Variants in DNMT3A observed in about 807,000 individuals in gnomAD.
DNMT3A encodes the protein DNA (cytosine-5)-methyltransferase 3A.
A neutral mutation model predicts 117.6 loss-of-function variants in DNMT3A; 267 were observed. The ratio of observed to expected loss-of-function variants is 2.27; its 90% confidence interval spans 2.05 to 2.51. The LOEUF is 2.51. Among genes scored for constraint, DNMT3A ranks in the 30% most tolerant of loss-of-function variants. The pLI, the probability that DNMT3A is intolerant of heterozygous loss-of-function variation, is 0.00. For missense variants in DNMT3A, 1,029 were observed against 1,260.2 expected (o/e 0.82, Z 2.78); for synonymous variants, 432 against 474.8 (o/e 0.91, Z 1.17).
chr2:25,323,725 G>C (rs1179703093), intron 1 of DNMT3A, among the ~76,000 whole-genome samples: 3 of 152,140 alleles, frequency 2.0e-5, no homozygotes, highest in African/African-American at 7.2e-5. Context: ...TCCTCTAAGT[G>C]GCCTTCGCTC....
chr2:25,333,675 G>A (rs2035099083), intron 1 of DNMT3A, among the ~76,000 whole-genome samples: 1 of 152,292 alleles, frequency 6.6e-6, no homozygotes, highest in East Asian at 1.9e-4. Flanking sequence ...AGAGCAGCAG[G>A]GCTTTGTGGG....
chr2:25,297,239 G>A lies in DNMT3A; in HGVS notation c.177+2900C>T, dbSNP rs1011464126. Among the ~76,000 whole-genome samples the A allele has an allele frequency of 1.3e-5, 2 of 152,174 alleles. 1 individual carries two copies. The highest frequency in any genetic ancestry group is 3.9e-4 in the East Asian group (2 of 5,184). On this transcript the variant is annotated intron_variant, in intron 3 of 22. Transcript: ENST00000321117. ...CGGTTCCTCCAATGTGCAAGGAGTT[G>A]CTTTCCCAACAGCTGACTTCCCAAT...
Position 25,234,355 on chromosome 2 carries a change from AGTCTCTGCCTCGCCAAGCG to A in DNMT3A, c.2644_2662del (p.Arg882CysfsTer18). 1 of 1,614,158 alleles carries A rather than the reference AGTCTCTGCCTCGCCAAGCG, an allele frequency of 6.2e-7. No homozygotes were observed. The highest frequency in any genetic ancestry group is 8.5e-7 in the Non-Finnish European group (1 of 1,180,014). ...TGGCACGCTCCATGACCGGCCCAGC[AGTCTCTGCCTCGCCAAGCG>A]GCTCATGTTGGAGACGTCAGTATAG... is the stretch of plus-strand genomic sequence containing the variant. On this transcript the variant is annotated frameshift_variant, in exon 23 of 23. Coordinates refer to ENST00000321117, the MANE Select transcript of DNMT3A (RefSeq NM_022552.5). LOFTEE classifies it high-confidence loss of function. The surrounding 1 kb of genome is among the most constrained non-coding windows in gnomAD (Gnocchi z 4.5).
chr2:25,301,538 C>T (rs900404761), intron 2 of DNMT3A, among the ~76,000 whole-genome samples: 2 of 152,144 alleles, frequency 1.3e-5, no homozygotes, highest in Non-Finnish European at 2.9e-5. Flanking sequence ...CACCTGTGCA[C>T]GGCTGGGCCC....
At chr2:25,340,884 C>T (rs1166964507) in intron 1 of DNMT3A, among the ~76,000 whole-genome samples, 2 of 141,772 alleles carry the variant, frequency 1.4e-5, no homozygotes, top group Non-Finnish European at 1.6e-5. Flanking sequence ...CCGGGATCCT[C>T]GCCCGCCCCC....
intron 2 of DNMT3A, among the ~76,000 whole-genome samples, chr2:25,310,160 A>C (rs116706995): frequency 0.015 from 2,210 of 152,284 alleles, 45 homozygotes; most frequent in African/African-American, 0.049. Context: ...GAAAGGGGAC[A>C]GAACTGAGAA....
intron 6 of DNMT3A, among the ~76,000 whole-genome samples, chr2:25,265,259 G>A (rs763994415): frequency 4.6e-5 from 7 of 152,304 alleles, no homozygotes; most frequent in Middle Eastern, 3.4e-3. Context: ...ACTGCAGGCC[G>A]GGGGCGGGAA....
chr2:25,307,884 G>A (rs895922439), intron 2 of DNMT3A, among the ~76,000 whole-genome samples: 2 of 152,240 alleles, frequency 1.3e-5, no homozygotes, highest in Admixed American at 6.5e-5. Flanking sequence ...AGGGACCCAA[G>A]TGACTGTGGC....
chr2:25,243,807 C>T, intron 16 of DNMT3A, 91 bp downstream of exon 16: 1 of 1,333,934 alleles, frequency 7.5e-7, no homozygotes, highest in Non-Finnish European at 1.1e-6. Flanking sequence ...GTGAAGCTAA[C>T]CATCATTTCG....
chr2:25,279,747 C>T (rs1018631779), intron 4 of DNMT3A, among the ~76,000 whole-genome samples: 1 of 151,592 alleles, frequency 6.6e-6, no homozygotes, highest in African/African-American at 2.4e-5. Context: ...AGTGCAGTGG[C>T]ACAATCTTGG....
rs2030882908 is a variant in DNMT3A, at chr2:25,271,302, C to T, written c.639+3639G>A. On this transcript the variant is annotated intron_variant, in intron 6 of 22. Coordinates refer to ENST00000321117, the MANE Select transcript of DNMT3A (RefSeq NM_022552.5). ...GCGGAGGCTGCAGTGAGCCATTGCA[C>T]TCCAGCCTTTGCACTCCAGCCTTGA... Among the ~76,000 whole-genome samples the T allele has an allele frequency of 2.0e-5, 3 of 152,210 alleles. No homozygotes were observed. In the South Asian group the frequency reaches 6.2e-4, roughly 32 times the overall value.
At chr2:25,295,022 T>C (rs964245502) in intron 3 of DNMT3A, among the ~76,000 whole-genome samples, 8 of 152,160 alleles carry the variant, frequency 5.3e-5, no homozygotes, top group Non-Finnish European at 7.4e-5. Context: ...AAATAGGGGA[T>C]GGAGCCCCAC....
chr2:25,239,220 A>T lies in DNMT3A; in HGVS notation c.2323-5T>A. 6.2e-7 allele frequency: 1 copy of T among 1,613,588 alleles called. No homozygotes were observed. The highest frequency in any genetic ancestry group is 8.5e-7 in the Non-Finnish European group (1 of 1,179,652). On this transcript the variant is annotated splice_polypyrimidine_tract_variant and splice_region_variant and intron_variant, in intron 19 of 22. Coordinates refer to ENST00000321117, the MANE Select transcript of DNMT3A (RefSeq NM_022552.5). ...ATCAATCATCACAGGGTTGGACTAC[A>T]AAACAGGAGACGGTTTGAAGATGAG... is the stretch of plus-strand genomic sequence containing the variant.
intron 1 of DNMT3A, among the ~76,000 whole-genome samples, chr2:25,317,046 C>A (rs558414925): frequency 6.6e-6 from 1 of 152,254 alleles, no homozygotes; most frequent in South Asian, 2.1e-4. Context: ...AAACTCAATG[C>A]AATAGAAACA....
intron 3 of DNMT3A, 64 bp downstream of exon 3, chr2:25,300,075 C>T (rs1044399267): frequency 9.1e-6 from 14 of 1,542,614 alleles, no homozygotes; most frequent in South Asian, 8.5e-5. Context: ...TCACTGCCAT[C>T]GACAGGCCAG....
intron 6 of DNMT3A, among the ~76,000 whole-genome samples, chr2:25,253,733 A>G (rs1441506402): frequency 1.3e-5 from 2 of 152,196 alleles, no homozygotes; most frequent in Admixed American, 1.3e-4. Flanking sequence ...AATGGAGGAA[A>G]ATGCACCCCA....
intron 1 of DNMT3A, among the ~76,000 whole-genome samples, chr2:25,340,826 G>A (rs2035395036): frequency 9.2e-6 from 1 of 109,220 alleles, no homozygotes; most frequent in African/African-American, 3.4e-5. Flanking sequence ...TCCCGGCCCC[G>A]CTACTTCCAC....
In DNMT3A at chr2:25,239,153, C is replaced by G; in HGVS notation, c.2385G>C (p.Trp795Cys). Residue 795 changes from tryptophan (W) to cysteine (C), a missense_variant, in exon 20 of 23, where the codon TGG becomes TGC. Physicochemically the swap from Trp to Cys is radical, Grantham distance 215. Transcript: ENST00000321117. ...ACCTGTTCATACCGGGAAGGTTACC[C>G]CAGAAGTAGCGGGCCCTGTGTGCAG... Reference protein sequence around the residue: ...VSAAHRARYFWGNLPGMNRPL... With the variant: ...VSAAHRARYFCGNLPGMNRPL... 6.2e-7 allele frequency: 1 copy of G among 1,614,032 alleles called. No homozygotes were observed. The highest frequency in any genetic ancestry group is 1.1e-5 in the South Asian group (1 of 91,074).
Position 25,234,103 on chromosome 2 carries a change from C to T in DNMT3A, c.*176G>A, listed in dbSNP as rs921848932. The stretch of plus-strand genomic sequence containing the variant: ...TCAGGAGATGATGTCCAACCCTTTT[C>T]GCAAGGCAAAGCCCTCCGGTATTTC... On this transcript the variant is annotated 3_prime_UTR_variant, in exon 23 of 23. Transcript: ENST00000321117. The surrounding 1 kb of genome is among the most constrained non-coding windows in gnomAD (Gnocchi z 4.5). 3 of 999,956 alleles carry T rather than the reference C, an allele frequency of 3.0e-6. No homozygotes were observed. The highest frequency in any genetic ancestry group is 3.5e-5 in the Admixed American group (1 of 28,756). 61.9% of individuals were successfully genotyped at this position (999,956 alleles called of 1,614,324 possible).
Sources: gnomAD v4.1 joint callset for allele counts (sites outside exome capture counted in the v4.1 genomes callset) on GRCh38, gnomAD v4.1.1 for gene constraint, Gnocchi (gnomAD v3.1) non-coding constraint, MANE v1.5 for transcripts, NCBI Gene and HGNC (gene_info 2026-07-23, HGNC 2026-07-21) for gene names.